MYLK: variants seen among roughly 807,000 people sequenced by gnomAD.
MYLK encodes the protein myosin light chain kinase, smooth muscle.
Under a neutral mutation model 203.4 loss-of-function variants are expected in MYLK, and 106 were observed. The ratio of observed to expected loss-of-function variants is 0.52; its 90% CI spans 0.45 to 0.61. The LOEUF (loss-of-function observed/expected upper bound fraction) is 0.61. MYLK is among the 20% of genes least tolerant of loss of function. The pLI, the probability that MYLK is intolerant of heterozygous loss-of-function variation, is 0.00. For synonymous variants in MYLK, 867 were observed against 959.5 expected (o/e 0.90, Z 1.78); for missense variants, 2,072 against 2,442.3 (o/e 0.85, Z 3.20).
At chr3:123,807,440 A>T (rs2065409730) in intron 3 of MYLK, among the ~76,000 whole-genome samples, 1 of 152,186 alleles carries the variant, frequency 6.6e-6, no homozygotes, top group Non-Finnish European at 1.5e-5. Context: ...CCACCAAAAA[A>T]AAAAAAGCTA....
rs200088151 is a variant in MYLK at position 123,620,236 on chromosome 3, G to T, written c.5339C>A (p.Pro1780Gln). ...RKSSTGSPTS[P>Q]LNAEKLESEE... ...AGATTCTAGTTTTTCTGCATTGAGC[G>T]GGCTGGTTGGTGACCCTGTTGAGGA... The change falls in exon 32 of 34, where the codon CCG becomes CAG. Residue 1780 changes from proline to glutamine, a missense_variant. This residue lies in a region of MYLK where 524 missense variants were observed against 782.4 expected (regional missense o/e 0.67). Coordinates refer to ENST00000360304, the MANE Select transcript of MYLK (RefSeq NM_053025.4). 2.5e-6 allele frequency: 4 copies of T among 1,614,000 alleles called. No homozygotes were observed. The African/African-American group carries it at 5.3e-5, about 22-fold the overall frequency.
chr3:123,646,265 TAAAG>T (rs761531226), intron 27 of MYLK, among the ~76,000 whole-genome samples: 5 of 152,212 alleles, frequency 3.3e-5, no homozygotes, highest in African/African-American at 4.8e-5. Context: ...TATATTTTCA[TAAAG>T]AAACTTTGGA....
chr3:123,803,666 G>A (rs2109177997), intron 3 of MYLK, among the ~76,000 whole-genome samples: 1 of 152,350 alleles, frequency 6.6e-6, no homozygotes, highest in African/African-American at 2.4e-5. Context: ...CAGGACCCCA[G>A]GAGAGGAGGC....
At position 123,700,669 on chromosome 3, in the gene MYLK, C is replaced by T. The variant is rs144806671; in HGVS notation, c.2799G>A (p.Val933=). 185 of 1,614,046 alleles carry T rather than the reference C, an allele frequency of 1.1e-4. No individual in the cohort carries two copies. The highest frequency in any genetic ancestry group is 1.4e-4 in the Non-Finnish European group (169 of 1,180,052). ...MDFRANLQRQ[V]KPKTVSEEER... ...CTTCCTCAGACACAGTCTTTGGCTT[C>T]ACTTGCCGCTGCAGGTTGGCACGGA... Residue 933 remains valine (V), a synonymous_variant, in exon 18 of 34, where the codon GTG becomes GTA. Transcript: ENST00000360304.
intron 4 of MYLK, among the ~76,000 whole-genome samples, chr3:123,791,353 CCT>C (rs761502124): frequency 3.3e-5 from 5 of 152,242 alleles, no homozygotes; most frequent in African/African-American, 4.8e-5. Flanking sequence ...AGAAACACCC[CCT>C]GTTTAACTTC....
intron 3 of MYLK, among the ~76,000 whole-genome samples, chr3:123,822,540 T>C (rs1193855031): frequency 2.6e-5 from 4 of 152,182 alleles, no homozygotes; most frequent in Non-Finnish European, 5.9e-5. Flanking sequence ...TTACAGAGTA[T>C]GGTAAAGAAT....
chr3:123,847,632 T>C (rs1340146444), intron 2 of MYLK, among the ~76,000 whole-genome samples: 2 of 152,152 alleles, frequency 1.3e-5, no homozygotes, highest in Non-Finnish European at 2.9e-5. Context: ...GAATGAGTGC[T>C]AAATTCTGAC....
intron 3 of MYLK, among the ~76,000 whole-genome samples, chr3:123,825,144 C>CAAAAATAAAAA (rs2066071637): frequency 8.6e-6 from 1 of 115,916 alleles, no homozygotes. Flanking sequence ...CACCCTGTCT[C>CAAAAATAAAAA]AAAAAAAAAA....
Position 123,613,892 on chromosome 3 carries a change from A to T in MYLK, c.*213T>A, listed in dbSNP as rs115815057. 1,802 of 587,362 alleles carry T rather than the reference A, an allele frequency of 3.1e-3. 22 individuals carry two copies. The highest frequency in any genetic ancestry group is 0.03 in the African/African-American group (1,635 of 53,614). 36.4% of individuals were successfully genotyped at this position (587,362 alleles called of 1,614,324 possible). A position where few individuals can be genotyped will look rare whatever the true frequency, so the allele number is the denominator to read the frequency against. On this transcript the variant is annotated 3_prime_UTR_variant, in exon 34 of 34. Coordinates refer to ENST00000360304, the MANE Select transcript of MYLK (RefSeq NM_053025.4). ...TCCCTAAATGAAATCTAGCTGCACT[A>T]GTATCTTAAGGTGCCAACTAACATA...
intron 15 of MYLK, 146 bp from the exon 16 acceptor site, chr3:123,708,149 A>C: frequency 8.8e-7 from 1 of 1,137,662 alleles, no homozygotes; most frequent in Non-Finnish European, 1.3e-6. Context: ...GGATACACAA[A>C]TGCAGCACAC....
At chr3:123,864,559 T>C (rs938380652) in intron 2 of MYLK, among the ~76,000 whole-genome samples, 12 of 152,194 alleles carry the variant, frequency 7.9e-5, no homozygotes, top group Admixed American at 5.9e-4. Context: ...AGGGAATATA[T>C]GTATTCACCA....
At chr3:123,618,319 T>C (rs1345596342) in intron 33 of MYLK, 2 of 358,960 alleles carry the variant, frequency 5.6e-6, no homozygotes, top group Admixed American at 4.1e-5. Context: ...TTTGCAAAGC[T>C]CATTTCACTA....
intron 27 of MYLK, among the ~76,000 whole-genome samples, chr3:123,645,871 C>T (rs1032841579): frequency 6.6e-6 from 1 of 152,160 alleles, no homozygotes; most frequent in Non-Finnish European, 1.5e-5. Flanking sequence ...AGGTTGGGTG[C>T]GGTGGCTCAC....
At chr3:123,681,708 G>T (rs1448354919) in intron 20 of MYLK, 1 of 175,560 alleles carries the variant, frequency 5.7e-6, no homozygotes, top group Admixed American at 5.6e-5. Context: ...AAGACAGGCG[G>T]GGGGCAGGCC....
intron 20 of MYLK, among the ~76,000 whole-genome samples, chr3:123,677,994 T>A (rs1054710421): frequency 6.8e-6 from 1 of 146,748 alleles, no homozygotes; most frequent in Non-Finnish European, 1.5e-5. Context: ...CAGGTCAGGG[T>A]TGGCACCACA....
chr3:123,787,621 C>T (rs1175840897), intron 4 of MYLK, among the ~76,000 whole-genome samples: 1 of 152,144 alleles, frequency 6.6e-6, no homozygotes, highest in Non-Finnish European at 1.5e-5. Flanking sequence ...GCAGGAAGAA[C>T]ATGAGACTTA....
Position 123,629,358 on chromosome 3 carries a change from G to C in MYLK, c.5114+116C>G, listed in dbSNP as rs56162191. ...CCCTCCCTTCCTCAGGGAATGCTAG[G>C]AACGACCCAAGGCGGGGTGGCAAGG... On this transcript the variant is annotated intron_variant, in intron 30 of 33. Coordinates refer to ENST00000360304, the MANE Select transcript of MYLK (RefSeq NM_053025.4). The surrounding 1 kb of genome is among the most constrained non-coding windows in gnomAD (Gnocchi z 4.4). 0.019 allele frequency: 24,492 copies of C among 1,311,422 alleles called. 301 individuals carry two copies. Among genetic ancestry groups the C allele is most frequent in the Non-Finnish European group, 0.023 (21,668 of 930,610 alleles). The allele number at this position is 1,311,422 out of a possible 1,614,324, so 81.2% of individuals were successfully genotyped here.
At chr3:123,789,277 G>A (rs926483011) in intron 4 of MYLK, among the ~76,000 whole-genome samples, 3 of 152,078 alleles carry the variant, frequency 2.0e-5, no homozygotes, top group Non-Finnish European at 2.9e-5. Context: ...CAGAGCGCGC[G>A]TCTGAATTTT....
In MYLK at chr3:123,739,070, G is replaced by A. The variant is rs751696363; in HGVS notation, c.423-8C>T. 29 of 1,613,362 alleles carry A rather than the reference G, an allele frequency of 1.8e-5. No individual in the cohort carries two copies. The Admixed American group carries it at 2.2e-4, about 12-fold the overall frequency. ...GGAGCTGAAAATCTATCCCTGTAAG[G>A]AAATTGGCAGAGAATCCAGTCCCAG... On this transcript the variant is annotated splice_polypyrimidine_tract_variant and splice_region_variant and intron_variant, in intron 6 of 33. Transcript: ENST00000360304.
Sources: allele counts gnomAD v4.1 joint callset (sites outside exome capture counted in the v4.1 genomes callset), GRCh38; gene constraint gnomAD v4.1.1; regional missense constraint gnomAD v4.1.1; non-coding constraint Gnocchi (gnomAD v3.1); transcripts MANE v1.5; gene names NCBI Gene and HGNC (gene_info 2026-07-23, HGNC 2026-07-21).